Variants in VWA8 observed in about 807,000 individuals in gnomAD.
VWA8 encodes von Willebrand factor A domain containing 8.
VWA8 carries 221 observed loss-of-function variants against 241.5 expected under a neutral mutation model. The observed-to-expected ratio is 0.91, with a 90% confidence interval of 0.82 to 1.02. The LOEUF (loss-of-function observed/expected upper bound fraction) is 1.02. Ranked by LOEUF, VWA8 falls within the 50% of genes least tolerant of loss-of-function variation. The pLI is 0.00. For missense variants in VWA8, 2,322 were observed against 2,328.7 expected, an observed-to-expected ratio of 1.00 and a Z score of 0.06; for synonymous variants, 852 against 827.1, an observed-to-expected ratio of 1.03 and a Z score of -0.52.
At chr13:41,700,973 CA>C (rs2045245581) in intron 28 of VWA8, among the ~76,000 whole-genome samples, 1 of 152,178 alleles carries the variant, frequency 6.6e-6, no homozygotes, top group Admixed American at 6.5e-5. Context: ...CAAAAATTCA[CA>C]TTCTTTATTT....
chr13:41,662,999 C>G (rs950767815), intron 37 of VWA8, among the ~76,000 whole-genome samples: 2 of 152,152 alleles, frequency 1.3e-5, no homozygotes, highest in Admixed American at 6.5e-5. Context: ...AAACTCATAG[C>G]TGATTACCAT....
intron 16 of VWA8, among the ~76,000 whole-genome samples, chr13:41,815,660 A>C (rs1156371699): frequency 6.6e-6 from 1 of 152,270 alleles, no homozygotes; most frequent in Non-Finnish European, 1.5e-5. Flanking sequence ...ATTCTGGCTC[A>C]GTCATACTGA....
chr13:41,606,884 A>T (rs993554870), intron 39 of VWA8, among the ~76,000 whole-genome samples: 4 of 152,190 alleles, frequency 2.6e-5, no homozygotes, highest in African/African-American at 9.7e-5. Flanking sequence ...GAGCCCTTGC[A>T]TAAAGCTGGC....
At chr13:41,704,719 T>A (rs79449240) in intron 26 of VWA8, among the ~76,000 whole-genome samples, 26,460 of 152,116 alleles carry the variant, frequency 0.17, 2,450 homozygotes, top group Non-Finnish European at 0.22. Flanking sequence ...TCCTCCTGCT[T>A]CAGCCTCCGA....
chr13:41,692,805 G>A lies in VWA8; in HGVS notation c.3675+57C>T. Reference sequence around the variant, plus strand: ...GGGATGGGCATGCATGCATCTTTCTGGTTAGAAAGCTATAGAAATCCTTGG... The same window carrying A: ...GGGATGGGCATGCATGCATCTTTCTAGTTAGAAAGCTATAGAAATCCTTGG... On this transcript the variant is annotated intron_variant, in intron 30 of 44. Coordinates refer to ENST00000379310, the MANE Select transcript of VWA8 (RefSeq NM_015058.2). 2.8e-6 allele frequency: 4 copies of A among 1,412,298 alleles called. No individual in the cohort carries two copies. The South Asian group carries it at 4.7e-5, about 17-fold the overall frequency. The allele number at this position is 1,412,298 out of a possible 1,614,324, so 87.5% of individuals were successfully genotyped here. A position where few individuals can be genotyped will look rare whatever the true frequency, so the allele number is the denominator to read the frequency against.
intron 9 of VWA8, among the ~76,000 whole-genome samples, chr13:41,882,622 C>G (rs372869240): frequency 0.013 from 1,998 of 152,300 alleles, 23 homozygotes; most frequent in Middle Eastern, 0.048. Flanking sequence ...GCCAACACAG[C>G]GAAACCCCGT....
At chr13:41,880,086 A>T (rs935673423) in intron 9 of VWA8, among the ~76,000 whole-genome samples, 1 of 152,228 alleles carries the variant, frequency 6.6e-6, no homozygotes, top group Admixed American at 6.5e-5. Context: ...ACAATGAGGA[A>T]ATTATGCCAC....
intron 22 of VWA8, among the ~76,000 whole-genome samples, chr13:41,731,077 A>T (rs957264290): frequency 1.8e-4 from 27 of 151,368 alleles, no homozygotes; most frequent in African/African-American, 6.5e-4. Flanking sequence ...TTTTAGGATT[A>T]AAAAAACTGA....
intron 26 of VWA8, among the ~76,000 whole-genome samples, chr13:41,707,035 T>C (rs958818671): frequency 6.6e-6 from 1 of 152,204 alleles, no homozygotes. Flanking sequence ...GAAATGATAA[T>C]AAGGATCTGG....
chr13:41,647,944 G>A (rs2044842577), intron 37 of VWA8, among the ~76,000 whole-genome samples: 1 of 151,918 alleles, frequency 6.6e-6, no homozygotes, highest in Admixed American at 6.6e-5. Flanking sequence ...AGCCAAGATC[G>A]CACCACTGCA....
Position 41,618,835 on chromosome 13 carries a change from C to G in VWA8, c.4612-3751G>C, listed in dbSNP as rs911045160. ...TCTGTTCTGTTCCATTGGTCTATAT[C>G]TCTGTTTTGGTACCAGTACCATGCT... On this transcript the variant is annotated intron_variant, in intron 37 of 44. Transcript: ENST00000379310. Among the ~76,000 whole-genome samples the G allele has an allele frequency of 9.9e-5, 15 of 152,228 alleles. No individual in the cohort carries two copies. The South Asian group carries it at 2.3e-3, about 23-fold the overall frequency.
chr13:41,908,317 T>A (rs1458503956), intron 3 of VWA8, among the ~76,000 whole-genome samples: 1 of 152,022 alleles, frequency 6.6e-6, no homozygotes, highest in Non-Finnish European at 1.5e-5. Context: ...AATACAAAAA[T>A]TAGCCAGGTA....
chr13:41,853,381 A>G (rs1189566806), intron 12 of VWA8, among the ~76,000 whole-genome samples: 9 of 152,094 alleles, frequency 5.9e-5, no homozygotes, highest in Admixed American at 5.9e-4. Context: ...CAGGGTAATA[A>G]TGGTTTCACA....
chr13:41,688,505 T>C lies in VWA8; in HGVS notation c.4131+849A>G, dbSNP rs151273566. 3.2e-4 allele frequency among the ~76,000 whole-genome samples: 49 copies of C among 152,176 alleles called. No individual in the cohort carries two copies. In the East Asian group the frequency reaches 9.3e-3, roughly 29 times the overall value. ...AGATGTCGCCCAGTTTCACCTACAG[T>C]CAATTCAAATAGCTTCTCCTTTATA... On this transcript the variant is annotated intron_variant, in intron 34 of 44. Coordinates refer to ENST00000379310, the MANE Select transcript of VWA8 (RefSeq NM_015058.2).
chr13:41,931,892 C>T (rs964844096), intron 2 of VWA8, among the ~76,000 whole-genome samples: 5 of 152,074 alleles, frequency 3.3e-5, no homozygotes, highest in African/African-American at 1.2e-4. Context: ...ATGGCTTCAG[C>T]TTCTGCCTTA....
chr13:41,667,831 G>A (rs2044996583), intron 37 of VWA8, among the ~76,000 whole-genome samples: 1 of 152,044 alleles, frequency 6.6e-6, no homozygotes, highest in South Asian at 2.1e-4. Flanking sequence ...CTTAATAATG[G>A]TCTCTTAAAA....
At chr13:41,580,690 A>G (rs1378825741) in intron 42 of VWA8, among the ~76,000 whole-genome samples, 1 of 152,244 alleles carries the variant, frequency 6.6e-6, no homozygotes, top group Non-Finnish European at 1.5e-5. Context: ...AACAGCTATA[A>G]GAAACAGGGA....
rs563065530 is a variant in VWA8, at chr13:41,941,723, T to C, written c.241+8213A>G. Among the ~76,000 whole-genome samples the C allele has an allele frequency of 4.6e-5, 7 of 152,312 alleles. No homozygotes were observed. The South Asian group carries it at 1.4e-3, about 32-fold the overall frequency. On this transcript the variant is annotated intron_variant, in intron 2 of 44. Coordinates refer to ENST00000379310, the MANE Select transcript of VWA8 (RefSeq NM_015058.2). Reference sequence around the variant, plus strand: ...AGGAACAAGAACCAAACCACATTTATTGAGCACTAAGCACCAGGCAGTATC... The same window carrying C: ...AGGAACAAGAACCAAACCACATTTACTGAGCACTAAGCACCAGGCAGTATC...
intron 24 of VWA8, among the ~76,000 whole-genome samples, chr13:41,724,211 A>G (rs1052948873): frequency 6.6e-6 from 1 of 152,228 alleles, no homozygotes; most frequent in African/African-American, 2.4e-5. Flanking sequence ...TAATGGGAGC[A>G]AAAATCTGAT....
Sources: gnomAD v4.1 joint callset for allele counts (sites outside exome capture counted in the v4.1 genomes callset) on GRCh38, gnomAD v4.1.1 for gene constraint, MANE v1.5 for transcripts, NCBI Gene and HGNC (gene_info 2026-07-23, HGNC 2026-07-21) for gene names.